Variants in CAMTA1 observed in about 807,000 individuals in gnomAD.
CAMTA1 encodes calmodulin-binding transcription activator 1.
CAMTA1 carries 27 observed loss-of-function variants against 170.9 expected under a neutral mutation model. That is an observed-to-expected ratio of 0.16 (90% CI 0.12 to 0.22). The LOEUF is 0.22. Ranked by LOEUF, CAMTA1 falls within the 10% of genes least tolerant of loss-of-function variation. CAMTA1 has a pLI of 1.00. For synonymous variants in CAMTA1, 833 were observed against 891.5 expected (o/e 0.93, Z 1.17); for missense variants, 1,619 against 2,217.2 (o/e 0.73, Z 5.42).
intron 3 of CAMTA1, among the ~76,000 whole-genome samples, chr1:6,843,881 C>T (rs1656881719): frequency 6.6e-6 from 1 of 152,194 alleles, no homozygotes; most frequent in Admixed American, 6.5e-5. Context: ...TTAAAAAAGA[C>T]ACCATCAGGT....
intron 5 of CAMTA1, among the ~76,000 whole-genome samples, chr1:7,349,894 C>T (rs2084524443): frequency 6.6e-6 from 1 of 152,170 alleles, no homozygotes; most frequent in South Asian, 2.1e-4. Flanking sequence ...AGCCCTGGGC[C>T]TTGGGGGCCT....
At chr1:7,695,765 G>A (rs1275414569) in intron 11 of CAMTA1, among the ~76,000 whole-genome samples, 3 of 152,282 alleles carry the variant, frequency 2.0e-5, no homozygotes, top group African/African-American at 7.2e-5. Context: ...TCATGTGTGC[G>A]CTTTTCCCTG....
At chr1:7,505,753 C>T (rs11120952) in intron 6 of CAMTA1, among the ~76,000 whole-genome samples, 4,206 of 152,290 alleles carry the variant, frequency 0.028, 154 homozygotes, top group East Asian at 0.15. Flanking sequence ...CACCACAGTC[C>T]GCTGAGCAGG....
At chr1:7,705,352 C>G (rs1347360426) in intron 11 of CAMTA1, among the ~76,000 whole-genome samples, 1 of 147,920 alleles carries the variant, frequency 6.8e-6, no homozygotes, top group Non-Finnish European at 1.5e-5. Flanking sequence ...TCTGGAGTGG[C>G]CGAGGGCGTG....
intron 6 of CAMTA1, among the ~76,000 whole-genome samples, chr1:7,610,326 C>T (rs2095515471): frequency 1.3e-5 from 2 of 152,248 alleles, no homozygotes; most frequent in African/African-American, 4.8e-5. Context: ...GCCAAGTCTG[C>T]TCCATCACCA....
intron 4 of CAMTA1, among the ~76,000 whole-genome samples, chr1:7,136,307 G>A (rs753630834): frequency 6.6e-6 from 1 of 152,080 alleles, no homozygotes; most frequent in African/African-American, 2.4e-5. Flanking sequence ...GCACCCACAC[G>A]GCAGCCTTCC....
intron 5 of CAMTA1, among the ~76,000 whole-genome samples, chr1:7,422,835 G>T (rs751711621): frequency 6.6e-6 from 1 of 152,206 alleles, no homozygotes; most frequent in Non-Finnish European, 1.5e-5. Context: ...CAAGCACCAA[G>T]TGGAGGGCAT....
chr1:7,419,909 C>T (rs2149307518), intron 5 of CAMTA1, among the ~76,000 whole-genome samples: 1 of 152,260 alleles, frequency 6.6e-6, no homozygotes, highest in South Asian at 2.1e-4. Context: ...TCTCACCACC[C>T]CTGCAGTTTT....
chr1:7,375,834 C>G (rs2086803901), intron 5 of CAMTA1, among the ~76,000 whole-genome samples: 1 of 152,212 alleles, frequency 6.6e-6, no homozygotes, highest in South Asian at 2.1e-4. Flanking sequence ...CTTTATAGAG[C>G]TGGCTTCTTC....
chr1:6,878,845 A>T (rs533208219), intron 3 of CAMTA1, among the ~76,000 whole-genome samples: 1 of 152,302 alleles, frequency 6.6e-6, no homozygotes, highest in African/African-American at 2.4e-5. Context: ...TTTGTCACAC[A>T]TGTCATTTTC....
chr1:7,217,026 AG>A (rs1659862504), intron 4 of CAMTA1, among the ~76,000 whole-genome samples: 2 of 152,028 alleles, frequency 1.3e-5, no homozygotes, highest in Admixed American at 6.6e-5. Flanking sequence ...TTTTAGTTTT[AG>A]GCTTTCTGAA....
intron 4 of CAMTA1, among the ~76,000 whole-genome samples, chr1:7,107,751 C>T (rs1022183045): frequency 6.6e-6 from 1 of 152,128 alleles, no homozygotes; most frequent in Non-Finnish European, 1.5e-5. Context: ...ACAGCCTAGC[C>T]CCCATTTAGT....
At chr1:7,392,386 G>T (rs1249550848) in intron 5 of CAMTA1, among the ~76,000 whole-genome samples, 1 of 151,656 alleles carries the variant, frequency 6.6e-6, no homozygotes, top group African/African-American at 2.4e-5. Flanking sequence ...CTCAGGAGTA[G>T]CTGGGATTAC....
intron 4 of CAMTA1, among the ~76,000 whole-genome samples, chr1:7,212,984 G>A (rs1659054137): frequency 6.6e-6 from 1 of 152,194 alleles, no homozygotes; most frequent in Admixed American, 6.5e-5. Flanking sequence ...TAGAATGAAT[G>A]TGCTACAGTT....
At chr1:7,137,414 G>A (rs779154639) in intron 4 of CAMTA1, among the ~76,000 whole-genome samples, 5 of 152,208 alleles carry the variant, frequency 3.3e-5, no homozygotes, top group Non-Finnish European at 7.3e-5. Flanking sequence ...TGCCACTTTT[G>A]TGACCTCAGC....
At chr1:6,857,604 C>T (rs896871910) in intron 3 of CAMTA1, among the ~76,000 whole-genome samples, 3 of 152,090 alleles carry the variant, frequency 2.0e-5, no homozygotes, top group Non-Finnish European at 4.4e-5. Context: ...GTTTTGTTTA[C>T]AGAGTAGGAT....
chr1:7,483,065 A>G (rs573696562), intron 6 of CAMTA1, among the ~76,000 whole-genome samples: 16 of 152,252 alleles, frequency 1.1e-4, no homozygotes, highest in East Asian at 7.8e-4. Flanking sequence ...TCTGCATTCA[A>G]TATGTCTCAG....
At chr1:7,501,132 T>C (rs1180161206) in intron 6 of CAMTA1, among the ~76,000 whole-genome samples, 2 of 152,116 alleles carry the variant, frequency 1.3e-5, no homozygotes, top group African/African-American at 4.8e-5. Context: ...CGAGAGAGTA[T>C]GCTGAGTAAG....
chr1:7,179,374 C>T (rs1013506585), intron 4 of CAMTA1, among the ~76,000 whole-genome samples: 4 of 152,022 alleles, frequency 2.6e-5, no homozygotes, highest in African/African-American at 9.7e-5. Flanking sequence ...AAAAAAATAA[C>T]AATGGAATCA....
Sources: gnomAD v4.1 joint callset for allele counts (sites outside exome capture counted in the v4.1 genomes callset) on GRCh38, gnomAD v4.1.1 for gene constraint, MANE v1.5 for transcripts, NCBI Gene and HGNC (gene_info 2026-07-23, HGNC 2026-07-21) for gene names.